The following USP6 variants were observed in gnomAD, a reference collection of about 807,000 sequenced individuals.
USP6 encodes ubiquitin carboxyl-terminal hydrolase 6.
USP6 carries 128 observed loss-of-function variants against 175.7 expected under a neutral mutation model. That is an observed-to-expected ratio of 0.73 (90% confidence interval 0.63 to 0.84). The LOEUF is 0.84. USP6 is among the 40% of genes least tolerant of loss of function. USP6 has a pLI of 0.00. For synonymous variants in USP6, 562 were observed against 630.6 expected (o/e 0.89, Z 1.63); for missense variants, 1,498 against 1,760.3 (o/e 0.85, Z 2.67).
chr17:5,156,922 GT>G (rs2073897435), intron 31 of USP6, among the ~76,000 whole-genome samples: 1 of 151,592 alleles, frequency 6.6e-6, no homozygotes, highest in South Asian at 2.1e-4. Context: ...TAGAGACTGG[GT>G]TTCACCATGT....
intron 14 of USP6, 36 bp downstream of exon 14, chr17:5,133,586 C>A (rs547318937): frequency 6.8e-7 from 1 of 1,469,324 alleles, no homozygotes; most frequent in Non-Finnish European, 9.2e-7. Context: ...CAGGACAGGC[C>A]GTGTCAGGGG....
chr17:5,133,974 T>C lies in USP6; in HGVS notation c.472T>C (p.Phe158Leu), dbSNP rs751186943. The change falls in exon 15 of 38, where the codon TTT becomes CTT. Residue 158 changes from phenylalanine (F) to leucine (L), a missense_variant. Physicochemically the swap from Phe to Leu is conservative, Grantham distance 22. Transcript: ENST00000574788. ...VRTTLRNHVF[F>L]RDRYGAKQRE... The stretch of plus-strand genomic sequence containing the variant: ...GACGACTCTCCGGAACCATGTCTTC[T>C]TTAGGGATCGATATGGAGCCAAGTA... The C allele has an allele frequency of 2.5e-6, 4 of 1,613,974 alleles. No homozygotes were observed. The South Asian group carries it at 3.3e-5, about 13-fold the overall frequency.
At chr17:5,150,770 GGT>G (rs1491461031) in intron 30 of USP6, among the ~76,000 whole-genome samples, 3 of 152,098 alleles carry the variant, frequency 2.0e-5, no homozygotes, top group Non-Finnish European at 2.9e-5. Context: ...TGGGTTTACA[GGT>G]GTGAACCACT....
intron 30 of USP6, among the ~76,000 whole-genome samples, chr17:5,151,511 G>A (rs1236370003): frequency 6.6e-6 from 1 of 151,776 alleles, no homozygotes; most frequent in Admixed American, 6.6e-5. Flanking sequence ...GAAATACAAA[G>A]CACCCAGAAT....
intron 35 of USP6, among the ~76,000 whole-genome samples, 190 bp downstream of exon 35, chr17:5,169,245 G>C (rs2074161819): frequency 6.6e-6 from 1 of 152,198 alleles, no homozygotes; most frequent in African/African-American, 2.4e-5. Flanking sequence ...TTCCTCATCT[G>C]TAAAATGGAG....
chr17:5,140,807 C>G (rs1416281275), intron 22 of USP6, among the ~76,000 whole-genome samples: 1 of 152,178 alleles, frequency 6.6e-6, no homozygotes. Flanking sequence ...ATTACTCATA[C>G]ACAAGGGTAG....
At chr17:5,172,190 A>AT (rs940247613) in intron 37 of USP6, among the ~76,000 whole-genome samples, 22 of 151,178 alleles carry the variant, frequency 1.5e-4, no homozygotes, top group East Asian at 1.4e-3. Context: ...AAAAAAAAAA[A>AT]AGTAGTTAGT....
intron 15 of USP6, chr17:5,134,652 C>T (rs1231411701): frequency 5.7e-6 from 1 of 173,926 alleles, no homozygotes; most frequent in Non-Finnish European, 1.2e-5. Context: ...ACGGAAGACC[C>T]AGTGAGAAAA....
intron 22 of USP6, among the ~76,000 whole-genome samples, chr17:5,140,539 C>T (rs765149682): frequency 2.0e-5 from 3 of 152,228 alleles, no homozygotes; most frequent in Admixed American, 6.5e-5. Flanking sequence ...TACCACTGCA[C>T]TCCAGCCTGG....
rs751300594 is a variant in USP6, at chr17:5,172,925, A to G, written c.4168A>G (p.Ser1390Gly). The G allele has an allele frequency of 6.8e-6, 11 of 1,613,900 alleles. No individual in the cohort carries two copies. The African/African-American group carries it at 8.0e-5, about 12-fold the overall frequency. Residue 1390 changes from serine (S) to glycine (G), a missense_variant, in exon 38 of 38, where the codon AGT becomes GGT. By Grantham distance (56) the Ser-to-Gly change is moderately conservative (BLOSUM62 0). Coordinates refer to ENST00000574788, the MANE Select transcript of USP6 (RefSeq NM_001304284.2). ...TGGCAAAAAGATGGCAGACACAAGC[A>G]GTACGGATGAAGACTCTGAGTCTGA... is the stretch of plus-strand genomic sequence containing the variant. ...IDGKKMADTS[S>G]TDEDSESDYE...
chr17:5,132,728 G>T lies in USP6; in HGVS notation c.196-182G>T, dbSNP rs75729001. On this transcript the variant is annotated intron_variant, in intron 12 of 37. Transcript: ENST00000574788. This position sits in a 1 kb window ranked among gnomAD's most constrained non-coding sequence, Gnocchi z 4.7. ...CTGTGGCCTGAGGATGGCATGTCCC[G>T]GGGTCCCAAAGCCAGCCCATTGGTG... 1.3e-5 allele frequency among the ~76,000 whole-genome samples: 2 copies of T among 152,062 alleles called. No homozygotes were observed. The highest frequency in any genetic ancestry group is 6.5e-5 in the Admixed American group (1 of 15,274).
chr17:5,120,042 G>A (rs1336533687), intron 2 of USP6, among the ~76,000 whole-genome samples: 1 of 152,138 alleles, frequency 6.6e-6, no homozygotes, highest in Admixed American at 6.5e-5. Context: ...GCAGTCAGGA[G>A]GCCTTACGTG....
At chr17:5,170,188 A>AT (rs1165463028) in intron 35 of USP6, among the ~76,000 whole-genome samples, 1 of 152,164 alleles carries the variant, frequency 6.6e-6, no homozygotes, top group South Asian at 2.1e-4. Context: ...TAATAGTTGG[A>AT]TTTTTTTCAA....
At position 5,133,938 on chromosome 17, in the gene USP6, C is replaced by A. The variant is rs756243009; in HGVS notation, c.436C>A (p.Leu146Met). Residue 146 changes from leucine to methionine, a missense_variant, in exon 15 of 38, where the codon CTG becomes ATG. Leu to Met is a conservative substitution (Grantham distance 15). This residue lies in a region of USP6 where 281 missense variants were observed against 259.6 expected (regional missense o/e 1.08). Coordinates refer to ENST00000574788, the MANE Select transcript of USP6 (RefSeq NM_001304284.2). ...RSSEHIHHID[L>M]DVRTTLRNHV... Reference sequence around the variant, plus strand: ...ATCTGAACACATCCACCACATCGACCTGGACGTGAGGACGACTCTCCGGAA... The same window carrying A: ...ATCTGAACACATCCACCACATCGACATGGACGTGAGGACGACTCTCCGGAA... The A allele has an allele frequency of 1.2e-6, 2 of 1,614,060 alleles. No homozygotes were observed. The highest frequency in any genetic ancestry group is 2.7e-5 in the African/African-American group (2 of 74,926).
intron 28 of USP6, 97 bp downstream of exon 28, chr17:5,146,271 G>A: frequency 7.1e-7 from 1 of 1,413,020 alleles, no homozygotes; most frequent in Non-Finnish European, 9.4e-7. Context: ...GTGACCAAGA[G>A]AGATACTAAA....
At chr17:5,118,451 G>A (rs547661201) in intron 2 of USP6, among the ~76,000 whole-genome samples, 161 bp downstream of exon 2, 1 of 152,372 alleles carries the variant, frequency 6.6e-6, no homozygotes, top group South Asian at 2.1e-4. Flanking sequence ...GGTCTGCGGT[G>A]CTGCCCAAGT....
At chr17:5,118,515 C>T (rs894820852) in intron 2 of USP6, among the ~76,000 whole-genome samples, 10 of 152,230 alleles carry the variant, frequency 6.6e-5, no homozygotes, top group African/African-American at 1.9e-4. Context: ...GCTCTCTTAG[C>T]GCCACTGTTT....
At position 5,135,832 on chromosome 17, in the gene USP6, A is replaced by C; in HGVS notation, c.568A>C (p.Ser190Arg). The C allele has an allele frequency of 6.3e-7, 1 of 1,598,672 alleles. No homozygotes were observed. Among genetic ancestry groups the C allele is most frequent in the Non-Finnish European group, 8.5e-7 (1 of 1,179,752 alleles). The change falls in exon 17 of 38, where the codon AGC becomes CGC. Residue 190 changes from serine (S) to arginine (R), a missense_variant. Physicochemically the swap from Ser to Arg is moderately radical, Grantham distance 110 (BLOSUM62 -1). This residue lies in a region of USP6 where 281 missense variants were observed against 259.6 expected (regional missense o/e 1.08). Coordinates refer to ENST00000574788, the MANE Select transcript of USP6 (RefSeq NM_001304284.2). ...NPEVGYCRDL[S>R]HITALFLLYL... ...GGAGGTGGGCTACTGCAGGGACCTG[A>C]GCCACATCACCGCCTTGTTCCTCCT...
In USP6 at chr17:5,137,137, G is replaced by T. The variant is rs776369393; in HGVS notation, c.776G>T (p.Cys259Phe). 1 of 1,613,554 alleles carries T rather than the reference G, an allele frequency of 6.2e-7. No individual in the cohort carries two copies. The highest frequency in any genetic ancestry group is 1.1e-5 in the South Asian group (1 of 91,074). ...TCCCATCAGGACAAGGAAGGTCTAT[G>T]CGGGCAGTGTGCCTCGTTAGGCTGC... ...TMWHQDKEGLCGQCASLGCLL... is the reference protein window; with the variant it reads ...TMWHQDKEGLFGQCASLGCLL... The change falls in exon 19 of 38, where the codon TGC (cysteine) becomes TTC (phenylalanine). Residue 259 changes from cysteine (C) to phenylalanine (F), a missense_variant. By Grantham distance (205) the Cys-to-Phe change is radical. Around this residue, in one of 2 missense-constraint regions of USP6, gnomAD observed 1,217 missense variants for 1,500.8 expected, o/e 0.81. Transcript: ENST00000574788.
Sources: gnomAD v4.1 joint callset for allele counts (sites outside exome capture counted in the v4.1 genomes callset) on GRCh38, gnomAD v4.1.1 for gene constraint, gnomAD v4.1.1 regional missense constraint, Gnocchi (gnomAD v3.1) non-coding constraint, MANE v1.5 for transcripts, NCBI Gene and HGNC (gene_info 2026-07-23, HGNC 2026-07-21) for gene names.